Variants in PALD1 observed in about 807,000 individuals in gnomAD.
PALD1 encodes phosphatase domain containing paladin 1, also known as paladin.
In PALD1, 57 loss-of-function variants were observed where a neutral mutation model predicts 96.0. The ratio of observed to expected loss-of-function variants is 0.59; its 90% CI spans 0.48 to 0.74. PALD1 has a LOEUF of 0.74. PALD1 is among the 30% of genes least tolerant of loss of function. The pLI is 0.00. For synonymous variants in PALD1, 464 were observed against 473.6 expected, an observed-to-expected ratio of 0.98 and a Z score of 0.26; for missense variants, 1,063 against 1,143.7, an observed-to-expected ratio of 0.93 and a Z score of 1.02.
chr10:70,468,702 C>CTGTGTGTG, the PALD1 span, among the ~76,000 whole-genome samples: 1,415 of 123,848 alleles, frequency 0.011, 20 homozygotes, highest in South Asian at 0.02. Context: ...TGAGGCAGGA[C>CTGTGTGTG]TGTGTGTGTG....
intron 18 of PALD1, among the ~76,000 whole-genome samples, chr10:70,555,476 G>A (rs1219896752): frequency 6.9e-6 from 1 of 144,936 alleles, no homozygotes; most frequent in African/African-American, 2.4e-5. Context: ...TGGCAGCCAC[G>A]ACCCGGGGGC....
At chr10:70,542,127 C>T (rs1016816050) in intron 17 of PALD1, among the ~76,000 whole-genome samples, 4 of 152,114 alleles carry the variant, frequency 2.6e-5, no homozygotes, top group Admixed American at 6.5e-5. Context: ...CGCCACTTGC[C>T]CCTCCCCTGC....
At chr10:70,565,632 C>T (rs541937006) in intron 19 of PALD1, among the ~76,000 whole-genome samples, 1 of 152,090 alleles carries the variant, frequency 6.6e-6, no homozygotes, top group Admixed American at 6.5e-5. Context: ...TGAGGGTGGG[C>T]CTTGGGACGT....
In PALD1 at chr10:70,567,154, C is replaced by A; in HGVS notation, c.*421C>A. ...AGCAGACCCGGCCACTGGTAGCTCC[C>A]CACTTCCTTACTCCTGCTGCTCTGC... On this transcript the variant is annotated 3_prime_UTR_variant, in exon 20 of 20. Transcript: ENST00000263563. 6.0e-6 allele frequency: 1 copy of A among 167,586 alleles called. No individual in the cohort carries two copies. The highest frequency in any genetic ancestry group is 1.3e-5 in the Non-Finnish European group (1 of 78,702). 10.4% of individuals were successfully genotyped at this position (167,586 alleles called of 1,614,324 possible).
chr10:70,534,653 CTT>C lies in PALD1; in HGVS notation c.1123-83_1123-82del. Reference sequence around the variant, plus strand: ...TCTGCCAATCTTTTTCTTTCCCTCTCTTTTCTCTTTTCTCCTGCCGTTCTGCC... The same window carrying C: ...TCTGCCAATCTTTTTCTTTCCCTCTCTTCTCTTTTCTCCTGCCGTTCTGCC... On this transcript the variant is annotated intron_variant, in intron 9 of 19. Transcript: ENST00000263563. 5 of 1,186,106 alleles carry C rather than the reference CTT, an allele frequency of 4.2e-6. No homozygotes were observed. The East Asian group carries it at 1.0e-4, about 24-fold the overall frequency. The allele number at this position is 1,186,106 out of a possible 1,614,324, so 73.5% of individuals were successfully genotyped here.
the PALD1 span, among the ~76,000 whole-genome samples, chr10:70,461,900 C>A: frequency 5.3e-5 from 8 of 152,216 alleles, no homozygotes; most frequent in African/African-American, 1.7e-4. Flanking sequence ...TCAAGCCATC[C>A]TCCCACCTCA....
In PALD1 at chr10:70,534,479, G is replaced by A; in HGVS notation, c.1077G>A (p.Gln359=). The change falls in exon 9 of 20, where the codon CAG becomes CAA. Residue 359 remains glutamine (Q), a synonymous_variant. Coordinates refer to ENST00000263563, the MANE Select transcript of PALD1 (RefSeq NM_014431.3). ...PLPMEQFQVI[Q]SFLRMVPQGR... is the part of the protein sequence containing the mutation. ...CTATGGAGCAGTTCCAGGTGATCCA[G>A]AGCTTTCTCCGCATGGTGCCCCAGG... 6.2e-7 allele frequency: 1 copy of A among 1,613,300 alleles called. No homozygotes were observed. The highest frequency in any genetic ancestry group is 2.2e-5 in the East Asian group (1 of 44,848).
At chr10:70,468,744 G>C in the PALD1 span, among the ~76,000 whole-genome samples, 1 of 148,498 alleles carries the variant, frequency 6.7e-6, no homozygotes, top group African/African-American at 2.5e-5. Context: ...GTGTGTGTGT[G>C]TGTGTGTTTT....
chr10:70,537,200 C>T (rs1459313476), intron 10 of PALD1, among the ~76,000 whole-genome samples: 1 of 152,074 alleles, frequency 6.6e-6, no homozygotes, highest in Admixed American at 6.6e-5. Context: ...CTCAACTTCC[C>T]AGGCTCAAGC....
chr10:70,509,812 G>A (rs979326125), intron 1 of PALD1, among the ~76,000 whole-genome samples: 2 of 152,184 alleles, frequency 1.3e-5, no homozygotes, highest in African/African-American at 4.8e-5. Context: ...GGCAGGAAGC[G>A]CTGCAGCTTC....
At position 70,564,460 on chromosome 10, in the gene PALD1, T is replaced by C; in HGVS notation, c.2359T>C (p.Tyr787His). 6.2e-7 allele frequency: 1 copy of C among 1,613,886 alleles called. No individual in the cohort carries two copies. Among genetic ancestry groups the C allele is most frequent in the Non-Finnish European group, 8.5e-7 (1 of 1,179,786 alleles). Residue 787 changes from tyrosine to histidine, a missense_variant, in exon 19 of 20, where the codon TAC becomes CAC. Physicochemically the swap from Tyr to His is moderately conservative, Grantham distance 83. Transcript: ENST00000263563. ...TGTCTGCCTGATTCTCTTCAACGCG[T>C]ACCTCCACCTGGAGAAGGCCGACTC... ...RYVCLILFNA[Y>H]LHLEKADSWQ...
intron 19 of PALD1, among the ~76,000 whole-genome samples, chr10:70,565,076 T>C (rs1847816976): frequency 6.6e-6 from 1 of 152,234 alleles, no homozygotes; most frequent in Non-Finnish European, 1.5e-5. Flanking sequence ...CGTTGGGGAC[T>C]TGGGGAGACA....
chr10:70,528,434 A>G (rs1285677165), intron 2 of PALD1, among the ~76,000 whole-genome samples: 2 of 152,242 alleles, frequency 1.3e-5, no homozygotes, highest in Non-Finnish European at 2.9e-5. Flanking sequence ...TCATTAGCAC[A>G]TTTAATTCTC....
At chr10:70,473,784 T>C (rs142402523), upstream of PALD1, among the ~76,000 whole-genome samples, 910 of 152,262 alleles carry the variant, frequency 6.0e-3, 6 homozygotes, top group African/African-American at 0.02. Context: ...TAGCTGGGAT[T>C]ACAGGCGCAC....
chr10:70,470,878 C>T, the PALD1 span, among the ~76,000 whole-genome samples: 1 of 151,540 alleles, frequency 6.6e-6, no homozygotes, highest in Admixed American at 6.6e-5. Context: ...CTCGGCTCAC[C>T]GCAACCTCCG....
intron 1 of PALD1, among the ~76,000 whole-genome samples, chr10:70,490,670 A>T (rs142651844): frequency 6.6e-6 from 1 of 152,220 alleles, no homozygotes; most frequent in Admixed American, 6.5e-5. Flanking sequence ...CTGCACCTAC[A>T]TTGCCAGCCT....
chr10:70,495,759 C>T (rs570724301), intron 1 of PALD1, among the ~76,000 whole-genome samples: 14 of 150,848 alleles, frequency 9.3e-5, no homozygotes, highest in African/African-American at 3.4e-4. Flanking sequence ...AATCCCAGCA[C>T]TGTGGGAGGC....
intron 1 of PALD1, among the ~76,000 whole-genome samples, chr10:70,515,488 G>A (rs1846602377): frequency 6.6e-6 from 1 of 152,260 alleles, no homozygotes; most frequent in African/African-American, 2.4e-5. Context: ...GGGACTGCTG[G>A]CCATTCACAG....
chr10:70,537,662 A>G (rs908126139), intron 10 of PALD1, 149 bp from the exon 11 acceptor site: 4 of 612,754 alleles, frequency 6.5e-6, no homozygotes, highest in Non-Finnish European at 1.2e-5. Context: ...CACTTAGAAG[A>G]ACTTACAGCC....
Sources: gnomAD v4.1 joint callset for allele counts (sites outside exome capture counted in the v4.1 genomes callset) on GRCh38, gnomAD v4.1.1 for gene constraint, MANE v1.5 for transcripts, NCBI Gene and HGNC (gene_info 2026-07-23, HGNC 2026-07-21) for gene names.